PEX5L: variants seen among roughly 807,000 people sequenced by gnomAD.
PEX5L encodes PEX5-related protein.
In PEX5L, 30 loss-of-function variants were observed where a neutral mutation model predicts 84.0. The observed-to-expected ratio is 0.36, with a 90% confidence interval of 0.27 to 0.48. PEX5L has a LOEUF of 0.48. Among genes scored for constraint, PEX5L ranks in the 20% least tolerant of loss-of-function variants. PEX5L has a pLI of 0.99. For synonymous variants in PEX5L, 270 were observed against 283.1 expected, an observed-to-expected ratio of 0.95 and a Z score of 0.46; for missense variants, 533 against 754.6, an observed-to-expected ratio of 0.71 and a Z score of 3.44.
intron 2 of PEX5L, among the ~76,000 whole-genome samples, chr3:179,952,108 T>C (rs979722495): frequency 4.6e-5 from 7 of 152,206 alleles, no homozygotes; most frequent in Non-Finnish European, 7.3e-5. Context: ...GCTTATATTA[T>C]AGATTTGCAA....
In PEX5L at chr3:180,036,842, G is replaced by A; in HGVS notation, c.-243C>T. ...CGGGAGAGCGCGCAGAGAAGGCGAG[G>A]AGCCGGGTCGGCCAGGCTCTCCTGC... On this transcript the variant is annotated 5_prime_UTR_variant, in exon 1 of 15. Transcript: ENST00000467460. 1 of 561,250 alleles carries A rather than the reference G, an allele frequency of 1.8e-6. No homozygotes were observed. Among genetic ancestry groups the A allele is most frequent in the East Asian group, 2.9e-5 (1 of 34,426 alleles). 34.8% of individuals were successfully genotyped at this position (561,250 alleles called of 1,614,324 possible).
chr3:180,005,082 CT>C (rs1370592346), intron 1 of PEX5L, among the ~76,000 whole-genome samples: 3 of 151,974 alleles, frequency 2.0e-5, no homozygotes, highest in Non-Finnish European at 4.4e-5. Flanking sequence ...AAGAGAGTAA[CT>C]TTTTTTCTTA....
At chr3:179,988,340 G>T (rs1787050752) in intron 1 of PEX5L, among the ~76,000 whole-genome samples, 1 of 151,834 alleles carries the variant, frequency 6.6e-6, no homozygotes, top group Non-Finnish European at 1.5e-5. Flanking sequence ...GGCAGAGGTT[G>T]CAGTGAACTG....
At chr3:180,004,445 T>C (rs978772139) in intron 1 of PEX5L, among the ~76,000 whole-genome samples, 5 of 152,188 alleles carry the variant, frequency 3.3e-5, no homozygotes, top group Non-Finnish European at 5.9e-5. Flanking sequence ...GGAAACTATA[T>C]GTGTTTCACA....
At chr3:179,971,434 G>A (rs964200550) in intron 2 of PEX5L, among the ~76,000 whole-genome samples, 160 bp downstream of exon 2, 2 of 152,078 alleles carry the variant, frequency 1.3e-5, no homozygotes, top group Non-Finnish European at 2.9e-5. Flanking sequence ...GTGGATCAGA[G>A]GCATCATATG....
intron 1 of PEX5L, among the ~76,000 whole-genome samples, chr3:180,027,704 A>G (rs1284550268): frequency 6.6e-6 from 1 of 152,212 alleles, no homozygotes; most frequent in African/African-American, 2.4e-5. Flanking sequence ...AGTGTGTGCC[A>G]AGGGTGTCCT....
intron 1 of PEX5L, among the ~76,000 whole-genome samples, chr3:179,995,877 C>A (rs1170887795): frequency 2.0e-5 from 3 of 152,154 alleles, no homozygotes; most frequent in African/African-American, 4.8e-5. Context: ...TGGGACCCTG[C>A]AACTTGGAAT....
At position 179,996,413 on chromosome 3, in the gene PEX5L, C is replaced by T. The variant is rs930825433; in HGVS notation, c.22-24748G>A. ...GCAGCTTAGGGAGTTAAAAAGGGTTCTAATAGTTTATTTGCTTGGTTAGCT... is the reference window on the plus strand; with the variant it reads ...GCAGCTTAGGGAGTTAAAAAGGGTTTTAATAGTTTATTTGCTTGGTTAGCT... On this transcript the variant is annotated intron_variant, in intron 1 of 14. Transcript: ENST00000467460. Among the ~76,000 whole-genome samples, 16 of 152,210 alleles carry T rather than the reference C, an allele frequency of 1.1e-4. 2 individuals carry two copies. Among genetic ancestry groups the T allele is most frequent in the African/African-American group, 3.6e-4 (15 of 41,526 alleles).
chr3:179,871,726 C>T (rs1208471410), intron 7 of PEX5L, among the ~76,000 whole-genome samples: 1 of 152,156 alleles, frequency 6.6e-6, no homozygotes, highest in African/African-American at 2.4e-5. Flanking sequence ...CTGTTCCTCA[C>T]TTCAGTTTTC....
At chr3:179,918,204 C>T (rs568683247) in intron 2 of PEX5L, among the ~76,000 whole-genome samples, 2 of 152,214 alleles carry the variant, frequency 1.3e-5, no homozygotes, top group South Asian at 4.1e-4. Flanking sequence ...TTCTTGGGCC[C>T]ATGTTGTCAG....
intron 3 of PEX5L, among the ~76,000 whole-genome samples, chr3:179,888,646 T>C (rs372118973): frequency 6.1e-5 from 9 of 147,176 alleles, no homozygotes; most frequent in African/African-American, 2.2e-4. Context: ...AAATTAACTG[T>C]TTTTTTTGGG....
intron 7 of PEX5L, among the ~76,000 whole-genome samples, 179 bp downstream of exon 7, chr3:179,874,148 T>C (rs866164598): frequency 1.7e-4 from 26 of 149,256 alleles, no homozygotes; most frequent in Middle Eastern, 3.5e-3. Flanking sequence ...TATATATATA[T>C]ACACACACAC....
intron 14 of PEX5L, among the ~76,000 whole-genome samples, chr3:179,804,789 C>A (rs892398144): frequency 3.9e-5 from 6 of 152,202 alleles, no homozygotes; most frequent in Non-Finnish European, 8.8e-5. Flanking sequence ...ACTTATACCT[C>A]AAATTATACT....
At chr3:179,915,044 G>C (rs1276815135) in intron 2 of PEX5L, among the ~76,000 whole-genome samples, 1 of 152,152 alleles carries the variant, frequency 6.6e-6, no homozygotes, top group Admixed American at 6.6e-5. Context: ...ATTGAGAATG[G>C]AGCCAAGTTT....
intron 6 of PEX5L, among the ~76,000 whole-genome samples, chr3:179,874,854 G>A (rs572876787): frequency 4.0e-5 from 6 of 148,384 alleles, no homozygotes; most frequent in African/African-American, 1.5e-4. Flanking sequence ...GATGTGGCAG[G>A]GCAGTAGGAG....
chr3:179,825,427 T>C (rs1446803964), intron 8 of PEX5L, among the ~76,000 whole-genome samples: 1 of 152,150 alleles, frequency 6.6e-6, no homozygotes, highest in Non-Finnish European at 1.5e-5. Context: ...AAAGAATTCT[T>C]TGGTCTCTAA....
intron 1 of PEX5L, among the ~76,000 whole-genome samples, chr3:180,009,927 T>C (rs893893583): frequency 2.6e-5 from 4 of 152,096 alleles, no homozygotes; most frequent in Non-Finnish European, 4.4e-5. Flanking sequence ...CATTTGGTAG[T>C]GTGTAAAGAC....
rs754450499 is a variant in PEX5L at position 179,815,936 on chromosome 3, C to A, written c.1008G>T (p.Arg336Ser). The A allele has an allele frequency of 6.2e-7, 1 of 1,614,114 alleles. No homozygotes were observed. Among genetic ancestry groups the A allele is most frequent in the East Asian group, 2.2e-5 (1 of 44,882 alleles). The change falls in exon 10 of 15, where the codon AGG becomes AGT. Residue 336 changes from arginine to serine, a missense_variant. Physicochemically the swap from Arg to Ser is moderately radical, Grantham distance 110. Transcript: ENST00000467460. ...TGACTGGCAGATCCCCTTCCTTCAG[C>A]CTTTTTAAGCCTTCTTCAAATGCTC... is the stretch of plus-strand genomic sequence containing the variant. ...WPGAFEEGLK[R>S]LKEGDLPVTI... is the part of the protein sequence containing the mutation.
intron 9 of PEX5L, 44 bp downstream of exon 9, chr3:179,819,816 G>A (rs751194550): frequency 6.5e-7 from 1 of 1,539,772 alleles, no homozygotes; most frequent in Non-Finnish European, 9.0e-7. Context: ...GATCCAAAAA[G>A]GTGGAGAAAA....
Sources: allele counts gnomAD v4.1 joint callset (sites outside exome capture counted in the v4.1 genomes callset), GRCh38; gene constraint gnomAD v4.1.1; transcripts MANE v1.5; gene names NCBI Gene and HGNC (gene_info 2026-07-23, HGNC 2026-07-21).